DNAJC24: variants seen among roughly 807,000 people sequenced by gnomAD.
The protein encoded by DNAJC24 is dnaJ homolog subfamily C member 24.
In DNAJC24, 17 loss-of-function variants were observed where a neutral mutation model predicts 18.0. That is an observed-to-expected ratio of 0.94 (90% CI 0.65 to 1.42). The LOEUF (loss-of-function observed/expected upper bound fraction) is 1.42. DNAJC24 is among the 40% of genes most tolerant of loss of function. The probability of loss-of-function intolerance (pLI) is 0.00; values close to 1 mark genes in which losing one functional copy is unlikely to be tolerated. For missense variants in DNAJC24, 158 were observed against 175.6 expected (o/e 0.90, Z 0.57); for synonymous variants, 55 against 57.7 (o/e 0.95, Z 0.21).
chr11:31,399,787 A>C (rs1952582821), intron 2 of DNAJC24, among the ~76,000 whole-genome samples: 1 of 141,032 alleles, frequency 7.1e-6, no homozygotes, highest in African/African-American at 2.7e-5. Flanking sequence ...ATACATATGC[A>C]GAATGTGCAG....
intron 3 of DNAJC24, chr11:31,415,828 C>T (rs558647843): frequency 2.0e-5 from 3 of 152,322 alleles, no homozygotes; most frequent in African/African-American, 7.2e-5. Context: ...CCTACAATGG[C>T]ACACCATCAG....
intron 2 of DNAJC24, among the ~76,000 whole-genome samples, chr11:31,388,607 A>C (rs569162891): frequency 7.2e-5 from 11 of 152,340 alleles, no homozygotes; most frequent in African/African-American, 2.6e-4. Flanking sequence ...GTCCTACAAG[A>C]AATACTAAAG....
intron 2 of DNAJC24, 141 bp from the exon 3 acceptor site, chr11:31,414,670 C>G: frequency 1.2e-6 from 1 of 823,074 alleles, no homozygotes; most frequent in Non-Finnish European, 1.9e-6. Context: ...CTGTGCCCAA[C>G]ACTGTTGTCT....
intron 2 of DNAJC24, among the ~76,000 whole-genome samples, chr11:31,406,423 C>T (rs1444804157): frequency 6.6e-6 from 1 of 152,148 alleles, no homozygotes; most frequent in Non-Finnish European, 1.5e-5. Context: ...CTTAAATATA[C>T]AAATATTTAT....
chr11:31,416,016 G>A (rs1464651824), intron 3 of DNAJC24: 1 of 152,160 alleles, frequency 6.6e-6, no homozygotes, highest in Non-Finnish European at 1.5e-5. Context: ...CTTATAGGCT[G>A]TGTGATACTT....
chr11:31,390,363 G>A (rs71463317), intron 2 of DNAJC24, among the ~76,000 whole-genome samples: 4 of 117,710 alleles, frequency 3.4e-5, no homozygotes, highest in Non-Finnish European at 4.9e-5. Context: ...GCCACTACAC[G>A]CCAGCCTGGG....
At chr11:31,410,903 A>G (rs572798774) in intron 2 of DNAJC24, among the ~76,000 whole-genome samples, 1 of 152,314 alleles carries the variant, frequency 6.6e-6, no homozygotes, top group African/African-American at 2.4e-5. Context: ...TTGTATTAAT[A>G]TATCAGTTTG....
intron 2 of DNAJC24, among the ~76,000 whole-genome samples, chr11:31,414,491 G>A (rs1056490341): frequency 4.6e-5 from 7 of 152,206 alleles, no homozygotes; most frequent in Admixed American, 2.6e-4. Flanking sequence ...TTGTCTGCAC[G>A]TACCTATTTC....
At chr11:31,413,490 C>G (rs963429055) in intron 2 of DNAJC24, among the ~76,000 whole-genome samples, 3 of 151,948 alleles carry the variant, frequency 2.0e-5, no homozygotes, top group Admixed American at 1.3e-4. Context: ...ACCACCACAC[C>G]TGGCCAATAT....
At chr11:31,415,824 A>G (rs1391832082) in intron 3 of DNAJC24, 2 of 152,198 alleles carry the variant, frequency 1.3e-5, no homozygotes, top group Admixed American at 6.5e-5. Context: ...ATGCCCTACA[A>G]TGGCACACCA....
At chr11:31,426,443 T>C (rs2133506960) in intron 4 of DNAJC24, 88 bp downstream of exon 4, 1 of 719,768 alleles carries the variant, frequency 1.4e-6, no homozygotes, top group Non-Finnish European at 2.2e-6. Context: ...TTGGAAATCT[T>C]AAAAAGAAAT....
chr11:31,371,026 G>A (rs1952236335), intron 2 of DNAJC24, among the ~76,000 whole-genome samples, 167 bp downstream of exon 2: 3 of 152,284 alleles, frequency 2.0e-5, no homozygotes, highest in African/African-American at 4.8e-5. Context: ...TTGATTTGAG[G>A]TGGAAAAGCA....
chr11:31,370,366 G>A (rs764271182), intron 1 of DNAJC24, among the ~76,000 whole-genome samples: 4 of 151,966 alleles, frequency 2.6e-5, no homozygotes, highest in Admixed American at 1.3e-4. Context: ...CTCCTCCAGC[G>A]TGTTTAGTGG....
chr11:31,432,582 A>G lies in DNAJC24; in HGVS notation c.*2181A>G, dbSNP rs1179938723. On this transcript the variant is annotated 3_prime_UTR_variant, in exon 5 of 5. Coordinates refer to ENST00000465995, the MANE Select transcript of DNAJC24 (RefSeq NM_181706.5). ...CAGAGGCCAAATCTGTAAAATCAAA[A>G]TGAGGTTGAAGACAATTAGTGAAAG... 6.3e-6 allele frequency: 10 copies of G among 1,589,494 alleles called. No individual in the cohort carries two copies. Among genetic ancestry groups the G allele is most frequent in the Non-Finnish European group, 7.8e-6 (9 of 1,157,768 alleles).
chr11:31,430,362 T>C lies in DNAJC24; in HGVS notation c.411T>C (p.Asp137=). 6.2e-7 allele frequency: 1 copy of C among 1,609,092 alleles called. No homozygotes were observed. Among genetic ancestry groups the C allele is most frequent in the Non-Finnish European group, 8.5e-7 (1 of 1,176,618 alleles). The change falls in exon 5 of 5, where the codon GAT becomes GAC. Residue 137 remains aspartate (D), a synonymous_variant. Coordinates refer to ENST00000465995, the MANE Select transcript of DNAJC24 (RefSeq NM_181706.5). Reference sequence around the variant, plus strand: ...AAGAAGTTAGCCTGATTTCTTGTGATACATGTTCACTAATTATAGAACTCC... The same window carrying C: ...AAGAAGTTAGCCTGATTTCTTGTGACACATGTTCACTAATTATAGAACTCC... ...EAEEVSLISC[D]TCSLIIELLH...
chr11:31,428,883 G>A (rs1309996494), intron 4 of DNAJC24, among the ~76,000 whole-genome samples: 1 of 152,100 alleles, frequency 6.6e-6, no homozygotes, highest in Non-Finnish European at 1.5e-5. Context: ...AGTCATCTAT[G>A]ACAAAACTCC....
At chr11:31,370,911 T>C (rs1952233180) in intron 2 of DNAJC24, 52 bp downstream of exon 2, 9 of 1,169,822 alleles carry the variant, frequency 7.7e-6, no homozygotes, top group Non-Finnish European at 1.1e-5. Flanking sequence ...AATCAATTTT[T>C]ATATGAAACC....
intron 3 of DNAJC24, chr11:31,415,296 G>A (rs1255546537): frequency 5.6e-6 from 1 of 177,910 alleles, no homozygotes; most frequent in South Asian, 1.3e-4. Flanking sequence ...GTACTTTTAA[G>A]ACTATACAGT....
chr11:31,410,706 G>A (rs1952700272), intron 2 of DNAJC24, among the ~76,000 whole-genome samples: 1 of 152,194 alleles, frequency 6.6e-6, no homozygotes, highest in East Asian at 1.9e-4. Flanking sequence ...TAGAAGGATT[G>A]AGGTTATTTT....
Sources: gnomAD v4.1 joint callset for allele counts (sites outside exome capture counted in the v4.1 genomes callset) on GRCh38, gnomAD v4.1.1 for gene constraint, MANE v1.5 for transcripts, NCBI Gene and HGNC (gene_info 2026-07-23, HGNC 2026-07-21) for gene names.